The following DTD1 variants were observed in gnomAD, a reference collection of about 807,000 sequenced individuals.
DTD1 encodes the protein D-tyrosyl-tRNA deacylase 1 homolog.
DTD1 carries 13 observed loss-of-function variants against 25.6 expected under a neutral mutation model. The observed-to-expected ratio is 0.51, with a 90% CI of 0.33 to 0.81. DTD1 has a LOEUF of 0.81. Ranked by LOEUF, DTD1 falls within the 30% of genes least tolerant of loss-of-function variation. The pLI, the probability that DTD1 is intolerant of heterozygous loss-of-function variation, is 0.02. For synonymous variants in DTD1, 110 were observed against 103.6 expected (o/e 1.06, Z -0.37); for missense variants, 193 against 266.4 (o/e 0.72, Z 1.92).
chr20:18,707,016 A>T (rs1342929875), intron 4 of DTD1, among the ~76,000 whole-genome samples: 1 of 152,150 alleles, frequency 6.6e-6, no homozygotes, highest in Non-Finnish European at 1.5e-5. Context: ...CCTCGGCCTG[A>T]GCAGTGGTGT....
intron 1 of DTD1, chr20:18,588,892 G>C (rs1244265415): frequency 3.0e-6 from 3 of 984,460 alleles, no homozygotes; most frequent in Non-Finnish European, 3.6e-6. Flanking sequence ...CGGTACGAAA[G>C]ATATTTTTTA....
intron 4 of DTD1, among the ~76,000 whole-genome samples, chr20:18,715,567 A>C (rs1266596550): frequency 1.3e-5 from 2 of 152,146 alleles, no homozygotes; most frequent in African/African-American, 4.8e-5. Flanking sequence ...GCTAAATTAA[A>C]CCAAGTCACA....
chr20:18,623,529 GGGATGAAACTT>G (rs2060744581), intron 3 of DTD1, among the ~76,000 whole-genome samples: 1 of 152,060 alleles, frequency 6.6e-6, no homozygotes, highest in South Asian at 2.1e-4. Context: ...ATGCACTTAT[GGGATGAAACTT>G]CAGAGTTTGG....
intron 3 of DTD1, among the ~76,000 whole-genome samples, chr20:18,624,618 C>T (rs1042151197): frequency 6.6e-6 from 1 of 152,130 alleles, no homozygotes; most frequent in African/African-American, 2.4e-5. Flanking sequence ...TTTGGGGGGA[C>T]TCAAACACTG....
At chr20:18,716,832 T>G (rs544286797) in intron 4 of DTD1, among the ~76,000 whole-genome samples, 4 of 152,156 alleles carry the variant, frequency 2.6e-5, no homozygotes, top group Admixed American at 6.5e-5. Flanking sequence ...ATTTTGTATT[T>G]TGCAAAAAGG....
At chr20:18,653,118 C>T (rs2060879922) in intron 4 of DTD1, among the ~76,000 whole-genome samples, 1 of 152,130 alleles carries the variant, frequency 6.6e-6, no homozygotes, top group African/African-American at 2.4e-5. Flanking sequence ...AATTAAAGAA[C>T]AGGCCAGGCA....
chr20:18,596,965 T>C (rs1026249489), intron 3 of DTD1, among the ~76,000 whole-genome samples: 5 of 152,204 alleles, frequency 3.3e-5, no homozygotes, highest in African/African-American at 1.2e-4. Context: ...AGTCTCCTGT[T>C]GGCACTAGGG....
intron 5 of DTD1, among the ~76,000 whole-genome samples, chr20:18,762,582 T>A (rs918894684): frequency 1.3e-5 from 2 of 152,212 alleles, no homozygotes; most frequent in Non-Finnish European, 2.9e-5. Context: ...TGCTTTTATA[T>A]CTCTTTTCTA....
intron 4 of DTD1, among the ~76,000 whole-genome samples, chr20:18,701,556 C>T (rs8118764): frequency 6.6e-6 from 1 of 152,158 alleles, no homozygotes; most frequent in Non-Finnish European, 1.5e-5. Context: ...GTGTGGAGGA[C>T]AAGGGACATC....
chr20:18,599,064 G>C (rs2060623170), intron 3 of DTD1, among the ~76,000 whole-genome samples: 1 of 152,140 alleles, frequency 6.6e-6, no homozygotes, highest in African/African-American at 2.4e-5. Flanking sequence ...ATGTTCTATA[G>C]TCTGGAGATA....
intron 4 of DTD1, among the ~76,000 whole-genome samples, chr20:18,665,333 G>A (rs981624094): frequency 3.3e-5 from 5 of 152,218 alleles, no homozygotes; most frequent in Non-Finnish European, 7.3e-5. Context: ...ACAGATGCCA[G>A]CAGGGCATCT....
In DTD1 at chr20:18,654,516, C is replaced by T. The variant is rs149651480; in HGVS notation, c.477+26283C>T. Among the ~76,000 whole-genome samples the T allele has an allele frequency of 4.8e-3, 727 of 152,286 alleles. 8 individuals are homozygous for T. The highest frequency in any genetic ancestry group is 0.017 in the African/African-American group (702 of 41,540). ...GCTCTGGAAAGTATTCAAGTCCTTG[C>T]CATTTGTTCTTCGAAGGCCAGCTCA... On this transcript the variant is annotated intron_variant, in intron 4 of 5. Coordinates refer to ENST00000377452, the MANE Select transcript of DTD1 (RefSeq NM_080820.6).
chr20:18,647,268 C>T (rs2060853745), intron 4 of DTD1, among the ~76,000 whole-genome samples: 1 of 152,134 alleles, frequency 6.6e-6, no homozygotes, highest in Admixed American at 6.5e-5. Flanking sequence ...TATTTATTAA[C>T]TACTTTTCAT....
At chr20:18,626,259 G>A (rs2122307562) in intron 3 of DTD1, among the ~76,000 whole-genome samples, 1 of 152,298 alleles carries the variant, frequency 6.6e-6, no homozygotes, top group South Asian at 2.1e-4. Context: ...GGTGGTGTGA[G>A]CCTTCTTGGC....
chr20:18,612,752 A>G (rs778898784), intron 3 of DTD1, among the ~76,000 whole-genome samples: 1 of 151,772 alleles, frequency 6.6e-6, no homozygotes, highest in African/African-American at 2.4e-5. Context: ...TCCTCCTCCC[A>G]GGTTCAAGCG....
chr20:18,682,341 G>A (rs1441300484), intron 4 of DTD1, among the ~76,000 whole-genome samples: 1 of 152,226 alleles, frequency 6.6e-6, no homozygotes, highest in Non-Finnish European at 1.5e-5. Context: ...TGGACATTGT[G>A]CTGTAAACTG....
chr20:18,601,370 G>A (rs13043415), intron 3 of DTD1, among the ~76,000 whole-genome samples: 1 of 151,932 alleles, frequency 6.6e-6, no homozygotes, highest in Non-Finnish European at 1.5e-5. Context: ...GTGGTAGCAC[G>A]CACCTGTAAT....
At chr20:18,671,215 T>A (rs1017151530) in intron 4 of DTD1, among the ~76,000 whole-genome samples, 9 of 152,262 alleles carry the variant, frequency 5.9e-5, no homozygotes, top group African/African-American at 2.2e-4. Flanking sequence ...CTTGAGACCT[T>A]GGTCTCATTA....
intron 3 of DTD1, among the ~76,000 whole-genome samples, chr20:18,619,821 T>C (rs1162810296): frequency 6.6e-6 from 1 of 152,228 alleles, no homozygotes; most frequent in Non-Finnish European, 1.5e-5. Flanking sequence ...TGAACACTTA[T>C]CTTTTTCTTC....
Sources: allele counts gnomAD v4.1 joint callset (sites outside exome capture counted in the v4.1 genomes callset), GRCh38; gene constraint gnomAD v4.1.1; transcripts MANE v1.5; gene names NCBI Gene and HGNC (gene_info 2026-07-23, HGNC 2026-07-21).